HIP1: variants seen among roughly 807,000 people sequenced by gnomAD.
HIP1 encodes the protein huntingtin interacting protein 1, also known as huntingtin-interacting protein 1.
Under a neutral mutation model 147.6 loss-of-function variants are expected in HIP1, and 65 were observed. The observed-to-expected ratio is 0.44, with a 90% CI of 0.36 to 0.54. HIP1 has a LOEUF of 0.54. Ranked by LOEUF, HIP1 falls within the 20% of genes least tolerant of loss-of-function variation. The pLI, the probability that HIP1 is intolerant of heterozygous loss-of-function variation, is 0.00. For synonymous variants in HIP1, 479 were observed against 504.0 expected (o/e 0.95, Z 0.67); for missense variants, 1,061 against 1,299.6 (o/e 0.82, Z 2.82).
intron 1 of HIP1, among the ~76,000 whole-genome samples, chr7:75,687,992 T>C (rs76341646): frequency 0.016 from 2,372 of 152,258 alleles, 28 homozygotes; most frequent in Non-Finnish European, 0.026. Flanking sequence ...CTAGCCCATG[T>C]GGTACCACTT....
intron 1 of HIP1, among the ~76,000 whole-genome samples, chr7:75,688,180 C>T (rs1554517762): frequency 6.6e-6 from 1 of 152,188 alleles, no homozygotes. Context: ...CAACACAGCA[C>T]CTGCCCACAC....
chr7:75,631,506 AG>A (rs1554508910), intron 1 of HIP1, among the ~76,000 whole-genome samples: 1 of 152,138 alleles, frequency 6.6e-6, no homozygotes. Flanking sequence ...CACAGGGGAC[AG>A]GGCTGTGGAG....
intron 21 of HIP1, among the ~76,000 whole-genome samples, chr7:75,553,873 C>T (rs1283390490): frequency 2.0e-5 from 3 of 152,136 alleles, no homozygotes; most frequent in East Asian, 1.9e-4. Context: ...CAAAGTGTTA[C>T]GGCGATTACA....
At position 75,533,549 on chromosome 7, in the gene HIP1, AAG is replaced by A. The variant is rs1302605553; in HGVS notation, c.*4621_*4622del. The A allele has an allele frequency of 2.6e-5, 6 of 231,930 alleles. No individual in the cohort carries two copies. The highest frequency in any genetic ancestry group is 1.3e-4 in the African/African-American group (6 of 45,274). 14.4% of individuals were successfully genotyped at this position (231,930 alleles called of 1,614,324 possible). A position where few individuals can be genotyped will look rare whatever the true frequency, so the allele number is the denominator to read the frequency against. On this transcript the variant is annotated 3_prime_UTR_variant, in exon 31 of 31. Coordinates refer to ENST00000336926, the MANE Select transcript of HIP1 (RefSeq NM_005338.7). ...CCTATCCCTGCAAACTGAAATGTGAAAGAGTCTGTTATAAGTTTGAGACAACT... is the reference window on the plus strand; with the variant it reads ...CCTATCCCTGCAAACTGAAATGTGAAAGTCTGTTATAAGTTTGAGACAACT...
At chr7:75,696,802 G>T (rs1001009022) in intron 1 of HIP1, among the ~76,000 whole-genome samples, 2 of 151,236 alleles carry the variant, frequency 1.3e-5, no homozygotes, top group Non-Finnish European at 2.9e-5. Context: ...GTTTCACCAT[G>T]TTGACCAGGC....
chr7:75,547,237 G>A (rs781910492), intron 24 of HIP1, among the ~76,000 whole-genome samples: 6 of 152,074 alleles, frequency 3.9e-5, no homozygotes, highest in Non-Finnish European at 5.9e-5. Flanking sequence ...GGTCTCCATC[G>A]TAAGGAATAG....
chr7:75,723,183 TG>T (rs1338955720), intron 1 of HIP1, among the ~76,000 whole-genome samples: 1 of 152,050 alleles, frequency 6.6e-6, no homozygotes, highest in Admixed American at 6.6e-5. Flanking sequence ...CTGGCCGACA[TG>T]GTGACACCCC....
chr7:75,545,226 G>T, intron 25 of HIP1, 38 bp from the exon 26 acceptor site: 2 of 1,191,074 alleles, frequency 1.7e-6, no homozygotes, highest in South Asian at 1.2e-5. Context: ...ACCTTTTATT[G>T]AGCATGTACT....
chr7:75,726,034 C>T (rs782054492), intron 1 of HIP1, among the ~76,000 whole-genome samples: 7 of 152,008 alleles, frequency 4.6e-5, no homozygotes, highest in Non-Finnish European at 1.0e-4. Context: ...AGCTGAGACG[C>T]GGTTTTACCA....
intron 1 of HIP1, among the ~76,000 whole-genome samples, chr7:75,655,159 A>C (rs1053417256): frequency 6.6e-6 from 1 of 152,270 alleles, no homozygotes; most frequent in Non-Finnish European, 1.5e-5. Flanking sequence ...GTCCATCAAC[A>C]GACGAATGCA....
intron 1 of HIP1, among the ~76,000 whole-genome samples, chr7:75,706,623 A>ATTTTTTTTTTTTTTTTTTTTTTTT (rs71082342): frequency 9.6e-6 from 1 of 103,642 alleles, no homozygotes; most frequent in Non-Finnish European, 1.9e-5. Context: ...TCAACTCGTC[A>ATTTTTTTTTTTTTTTTTTTTTTTT]TTTTTTTTTT....
chr7:75,709,111 TTTTTTTTTTTTTTTAC>T (rs1801087706), intron 1 of HIP1, among the ~76,000 whole-genome samples: 1 of 147,630 alleles, frequency 6.8e-6, no homozygotes, highest in Admixed American at 6.8e-5. Flanking sequence ...TTTCTTTTCT[TTTTTTTTTTTTTTTAC>T]TTTTTTTTGA....
chr7:75,638,322 C>G (rs979986512), intron 1 of HIP1, among the ~76,000 whole-genome samples: 1 of 151,878 alleles, frequency 6.6e-6, no homozygotes, highest in Non-Finnish European at 1.5e-5. Context: ...CGGCTGAAGG[C>G]TGCTCCTTGG....
chr7:75,583,546 G>A lies in HIP1; in HGVS notation c.466-1395C>T, dbSNP rs587664687. ...TGAGGCGCTTCATCCTGATTACGTT[G>A]CTTACATGGCAGAGGAGGGGGAAAC... On this transcript the variant is annotated intron_variant, in intron 5 of 30. Coordinates refer to ENST00000336926, the MANE Select transcript of HIP1 (RefSeq NM_005338.7). 3.3e-5 allele frequency among the ~76,000 whole-genome samples: 5 copies of A among 152,118 alleles called. No individual in the cohort carries two copies. The South Asian group carries it at 1.0e-3, about 32-fold the overall frequency.
intron 1 of HIP1, among the ~76,000 whole-genome samples, chr7:75,709,658 T>G (rs948728927): frequency 3.3e-5 from 5 of 152,188 alleles, no homozygotes; most frequent in Admixed American, 6.5e-5. Context: ...CTTTCCAATT[T>G]GGATGCCTTT....
intron 18 of HIP1, 93 bp downstream of exon 18, chr7:75,555,933 A>G: frequency 6.7e-7 from 1 of 1,493,040 alleles, no homozygotes; most frequent in Non-Finnish European, 9.1e-7. Context: ...ACCCCTTCTC[A>G]GCAGCCCCGG....
intron 1 of HIP1, among the ~76,000 whole-genome samples, chr7:75,731,310 C>G (rs1235611108): frequency 2.6e-5 from 4 of 151,354 alleles, no homozygotes; most frequent in Admixed American, 2.6e-4. Flanking sequence ...TGATGAAACC[C>G]CGTCTCTACT....
Position 75,537,925 on chromosome 7 carries a change from G to T in HIP1, c.*247C>A. The T allele has an allele frequency of 1.8e-6, 1 of 546,520 alleles. No individual in the cohort carries two copies. Among genetic ancestry groups the T allele is most frequent in the Non-Finnish European group, 3.3e-6 (1 of 299,498 alleles). The allele number at this position is 546,520 out of a possible 1,614,324, so 33.9% of individuals were successfully genotyped here. A position where few individuals can be genotyped will look rare whatever the true frequency, so the allele number is the denominator to read the frequency against. On this transcript the variant is annotated 3_prime_UTR_variant, in exon 31 of 31. Coordinates refer to ENST00000336926, the MANE Select transcript of HIP1 (RefSeq NM_005338.7). ...TCTTCGTACCTAGGCTTGCTCATGG[G>T]CAGCACTGGCCAGCCTGGATGCTAA...
At chr7:75,685,425 A>C (rs1224937330) in intron 1 of HIP1, among the ~76,000 whole-genome samples, 1 of 152,216 alleles carries the variant, frequency 6.6e-6, no homozygotes, top group Non-Finnish European at 1.5e-5. Context: ...TGTGCTCCCT[A>C]CGGTTCACAT....
Sources: allele counts gnomAD v4.1 joint callset (sites outside exome capture counted in the v4.1 genomes callset), GRCh38; gene constraint gnomAD v4.1.1; transcripts MANE v1.5; gene names NCBI Gene and HGNC (gene_info 2026-07-23, HGNC 2026-07-21).